The following GRM7 variants were observed in gnomAD, a reference collection of about 807,000 sequenced individuals.
GRM7 encodes glutamate metabotropic receptor 7.
A neutral mutation model predicts 84.5 loss-of-function variants in GRM7; 35 were observed. The observed-to-expected ratio is 0.41, with a 90% CI of 0.32 to 0.55. GRM7 has a LOEUF of 0.55. GRM7 is among the 20% of genes least tolerant of loss of function. GRM7 has a pLI of 0.19. For missense variants in GRM7, 1,003 were observed against 1,194.6 expected (o/e 0.84, Z 2.36); for synonymous variants, 487 against 455.1 (o/e 1.07, Z -0.89).
rs113740913 is a variant in GRM7, at chr3:7,337,645, A to G, written c.1033+30993A>G. Among the ~76,000 whole-genome samples, 455 of 152,176 alleles carry G rather than the reference A, an allele frequency of 3.0e-3. 2 individuals carry two copies. Among genetic ancestry groups the G allele is most frequent in the African/African-American group, 0.01 (428 of 41,562 alleles). On this transcript the variant is annotated intron_variant, in intron 4 of 9. Coordinates refer to ENST00000357716, the MANE Select transcript of GRM7 (RefSeq NM_000844.4). ...AGATACACAAATGGCCAATAAACAT[A>G]TGAAAAAAATGCTAAACATCATTAG...
chr3:7,310,921 A>G (rs1035146107), intron 4 of GRM7, among the ~76,000 whole-genome samples: 1 of 152,074 alleles, frequency 6.6e-6, no homozygotes, highest in African/African-American at 2.4e-5. Context: ...GAGCCCCATT[A>G]TAAGTCTCAT....
chr3:7,517,252 T>C (rs1271005717), intron 7 of GRM7, among the ~76,000 whole-genome samples: 1 of 152,234 alleles, frequency 6.6e-6, no homozygotes, highest in Non-Finnish European at 1.5e-5. Context: ...TAGAAATTGC[T>C]TTGTCCTCAC....
chr3:6,967,120 C>T (rs1201110101), intron 1 of GRM7, among the ~76,000 whole-genome samples: 1 of 152,144 alleles, frequency 6.6e-6, no homozygotes, highest in Non-Finnish European at 1.5e-5. Context: ...TGTTGGTAAC[C>T]ATTATGGAAT....
At position 7,285,019 on chromosome 3, in the gene GRM7, A is replaced by C. The variant is rs1470108591; in HGVS notation, c.737-13665A>C. ...TATTAGAAATGAGCAAACTTTGACC[A>C]GCAGGTTACATTTGTCCAGCTGCTT... is the stretch of plus-strand genomic sequence containing the variant. On this transcript the variant is annotated intron_variant, in intron 2 of 9. Transcript: ENST00000357716. Among the ~76,000 whole-genome samples the C allele has an allele frequency of 3.9e-5, 6 of 152,200 alleles. No individual in the cohort carries two copies. In the South Asian group the frequency reaches 8.3e-4, roughly 21 times the overall value.
At chr3:7,088,214 C>T (rs1698531040) in intron 1 of GRM7, among the ~76,000 whole-genome samples, 1 of 150,138 alleles carries the variant, frequency 6.7e-6, no homozygotes, top group South Asian at 2.1e-4. Flanking sequence ...TGGGATTGAA[C>T]TGTCCCACAG....
chr3:7,329,896 T>C (rs922673858), intron 4 of GRM7, among the ~76,000 whole-genome samples: 1 of 152,132 alleles, frequency 6.6e-6, no homozygotes, highest in African/African-American at 2.4e-5. Context: ...TAGAGAAATA[T>C]ATTAATTTTC....
At chr3:7,699,668 G>A (rs1487512981) in intron 9 of GRM7, among the ~76,000 whole-genome samples, 1 of 151,612 alleles carries the variant, frequency 6.6e-6, no homozygotes, top group East Asian at 1.9e-4. Flanking sequence ...TTTTTATCAT[G>A]TCATTGGGAA....
intron 2 of GRM7, among the ~76,000 whole-genome samples, chr3:7,202,635 C>T (rs1422448830): frequency 6.6e-6 from 1 of 152,096 alleles, no homozygotes; most frequent in Non-Finnish European, 1.5e-5. Context: ...CTGGCCAGCA[C>T]AAAATCTTTA....
At chr3:7,425,210 G>A (rs1490413717) in intron 5 of GRM7, among the ~76,000 whole-genome samples, 1 of 152,086 alleles carries the variant, frequency 6.6e-6, no homozygotes, top group Non-Finnish European at 1.5e-5. Context: ...CTTTTGGTCC[G>A]CACTGATAAA....
chr3:6,910,231 C>T (rs1371442903), intron 1 of GRM7, among the ~76,000 whole-genome samples: 3 of 152,122 alleles, frequency 2.0e-5, no homozygotes, highest in African/African-American at 7.2e-5. Flanking sequence ...TAGGTATCAC[C>T]AGTGTGCCAA....
At chr3:7,088,928 C>G (rs564064403) in intron 1 of GRM7, among the ~76,000 whole-genome samples, 42 of 152,040 alleles carry the variant, frequency 2.8e-4, no homozygotes, top group Non-Finnish European at 1.6e-4. Context: ...TACAGCTGTC[C>G]TCTTAAAAAC....
At chr3:7,181,919 G>A (rs1459589029) in intron 2 of GRM7, among the ~76,000 whole-genome samples, 2 of 151,972 alleles carry the variant, frequency 1.3e-5, no homozygotes, top group East Asian at 1.9e-4. Flanking sequence ...CTAAAATAAG[G>A]TGAAGTCACA....
intron 8 of GRM7, among the ~76,000 whole-genome samples, chr3:7,658,308 C>T (rs1004650467): frequency 2.0e-5 from 3 of 152,130 alleles, no homozygotes; most frequent in African/African-American, 4.8e-5. Context: ...CTTTTGAGTA[C>T]AGAATGTTCT....
chr3:7,266,152 A>G lies in GRM7; in HGVS notation c.737-32532A>G, dbSNP rs375782525. Among the ~76,000 whole-genome samples, 24 of 152,310 alleles carry G rather than the reference A, an allele frequency of 1.6e-4. No individual in the cohort carries two copies. In the East Asian group the frequency reaches 1.9e-3, roughly 12 times the overall value. On this transcript the variant is annotated intron_variant, in intron 2 of 9. Transcript: ENST00000357716. ...TCACCATGATGAAATGAACAAATGA[A>G]GGTACAATAATACAGTAGGGGTAAA... is the stretch of plus-strand genomic sequence containing the variant.
intron 9 of GRM7, among the ~76,000 whole-genome samples, chr3:7,698,418 T>TTACAGATAAGCAAACTGAGG (rs1373424941): frequency 3.3e-5 from 5 of 152,214 alleles, no homozygotes; most frequent in Non-Finnish European, 5.9e-5. Context: ...TAGGCTCCTT[T>TTACAGATAAGCAAACTGAGG]TACAGATAAG....
rs55748562 is a variant in GRM7, at chr3:7,644,120, T to TTGTTGTGTGTG, written c.2452-35926_2452-35925insTGTGTGTGTGT. On this transcript the variant is annotated intron_variant, in intron 8 of 9. Transcript: ENST00000357716. ...TGCAATTTTTAAAACACTGTGCATGTTGTGTGTGTGTGTGTGTATATATAT... is the reference window on the plus strand; with the variant it reads ...TGCAATTTTTAAAACACTGTGCATGTTGTTGTGTGTGTGTGTGTGTGTGTGTGTATATATAT... Among the ~76,000 whole-genome samples, 1,085 of 119,950 alleles carry TTGTTGTGTGTG rather than the reference T, an allele frequency of 9.0e-3. 14 individuals are homozygous for TTGTTGTGTGTG. Among genetic ancestry groups the TTGTTGTGTGTG allele is most frequent in the African/African-American group, 0.03 (961 of 31,820 alleles). The allele number at this position is 119,950 out of a possible 152,430, so 78.7% of individuals were successfully genotyped here. A position where few individuals can be genotyped will look rare whatever the true frequency, so the allele number is the denominator to read the frequency against.
At chr3:6,954,698 C>T (rs1692952211) in intron 1 of GRM7, among the ~76,000 whole-genome samples, 1 of 152,186 alleles carries the variant, frequency 6.6e-6, no homozygotes, top group East Asian at 1.9e-4. Context: ...GCTCTAGCAA[C>T]CTCTTTGCAA....
intron 2 of GRM7, among the ~76,000 whole-genome samples, chr3:7,240,705 C>A (rs1044847010): frequency 6.6e-6 from 1 of 152,104 alleles, no homozygotes; most frequent in Non-Finnish European, 1.5e-5. Context: ...CTTCCCTCCC[C>A]CTCTTCCACA....
Position 7,298,685 on chromosome 3 carries a change from T to G in GRM7, c.738T>G (p.Gly246=), listed in dbSNP as rs1438898503. ...ACTATGTTTTCTTCTCTTAAACAGG[T>G]GGACTCTGCATTGCCCAGTCCGTGA... is the stretch of plus-strand genomic sequence containing the variant. The part of the protein sequence containing the change: ...ESFTQISKEA[G]GLCIAQSVRI... Residue 246 remains glycine (G), a splice_region_variant and synonymous_variant, in exon 3 of 10, where the codon GGT becomes GGG. Coordinates refer to ENST00000357716, the MANE Select transcript of GRM7 (RefSeq NM_000844.4). 6.2e-7 allele frequency: 1 copy of G among 1,612,638 alleles called. No homozygotes were observed. Among genetic ancestry groups the G allele is most frequent in the Admixed American group, 1.7e-5 (1 of 59,942 alleles).
Sources: allele counts gnomAD v4.1 joint callset (sites outside exome capture counted in the v4.1 genomes callset), GRCh38; gene constraint gnomAD v4.1.1; transcripts MANE v1.5; gene names NCBI Gene and HGNC (gene_info 2026-07-23, HGNC 2026-07-21).